KALRN: variants seen among roughly 807,000 people sequenced by gnomAD.
KALRN encodes the protein kalirin.
A neutral mutation model predicts 353.7 loss-of-function variants in KALRN; 70 were observed. The observed-to-expected ratio is 0.20, with a 90% CI of 0.16 to 0.24. The LOEUF is 0.24. Ranked by LOEUF, KALRN falls within the 10% of genes least tolerant of loss-of-function variation. The pLI is 1.00. For synonymous variants in KALRN, 1,391 were observed against 1,434.8 expected (o/e 0.97, Z 0.69); for missense variants, 2,791 against 3,756.7 (o/e 0.74, Z 6.72).
At chr3:124,181,002 G>C (rs1169115594) in intron 1 of KALRN, among the ~76,000 whole-genome samples, 1 of 146,722 alleles carries the variant, frequency 6.8e-6, no homozygotes, top group Non-Finnish European at 1.5e-5. Flanking sequence ...AGGCTGAGGT[G>C]AGCAGATCAC....
intron 1 of KALRN, among the ~76,000 whole-genome samples, chr3:124,219,251 T>C (rs1412708724): frequency 2.0e-5 from 3 of 152,056 alleles, no homozygotes; most frequent in Non-Finnish European, 4.4e-5. Flanking sequence ...CCAGATGCAG[T>C]GGTGGACAAT....
chr3:124,638,165 T>C (rs2081580651), intron 37 of KALRN, among the ~76,000 whole-genome samples: 1 of 152,198 alleles, frequency 6.6e-6, no homozygotes, highest in Non-Finnish European at 1.5e-5. Flanking sequence ...GGCAGTCTTA[T>C]TAATCACTTG....
intron 33 of KALRN, among the ~76,000 whole-genome samples, chr3:124,545,021 G>C (rs1381078095): frequency 6.6e-6 from 1 of 152,120 alleles, no homozygotes; most frequent in Admixed American, 6.6e-5. Context: ...GTTTGTGAAG[G>C]AGTTAGGATT....
At chr3:124,646,391 C>CTTTTTTTTTTTCTTTTTTTTTTTTTTT (rs2082721055) in intron 37 of KALRN, among the ~76,000 whole-genome samples, 1 of 110,492 alleles carries the variant, frequency 9.1e-6, no homozygotes, top group African/African-American at 3.4e-5. Context: ...CTTTTGTTTA[C>CTTTTTTTTTTTCTTTTTTTTTTTTTTT]TTTTTTTTTT....
intron 37 of KALRN, among the ~76,000 whole-genome samples, chr3:124,640,380 A>G (rs2081912549): frequency 6.9e-6 from 1 of 144,792 alleles, no homozygotes; most frequent in Non-Finnish European, 1.5e-5. Flanking sequence ...TCCACCTCCC[A>G]GGTTCAAGTG....
chr3:124,588,955 G>A (rs369403108), intron 34 of KALRN, among the ~76,000 whole-genome samples: 5 of 152,234 alleles, frequency 3.3e-5, no homozygotes, highest in Admixed American at 6.5e-5. Flanking sequence ...AGAGAGGAAG[G>A]AGGTGGGACT....
At chr3:124,190,339 T>C (rs2074767755) in intron 1 of KALRN, among the ~76,000 whole-genome samples, 1 of 152,142 alleles carries the variant, frequency 6.6e-6, no homozygotes, top group Non-Finnish European at 1.5e-5. Context: ...AGCACCATCA[T>C]TTATCCTCAA....
chr3:124,530,605 A>G (rs903503484), intron 33 of KALRN, among the ~76,000 whole-genome samples: 1 of 152,106 alleles, frequency 6.6e-6, no homozygotes, highest in Admixed American at 6.6e-5. Context: ...TTCCCAAGCT[A>G]GTCTCAAACT....
chr3:124,510,048 C>G (rs1436817207), intron 33 of KALRN, among the ~76,000 whole-genome samples: 2 of 152,176 alleles, frequency 1.3e-5, no homozygotes, highest in African/African-American at 2.4e-5. Flanking sequence ...GTGAAGCTAT[C>G]AGGAGTGCTA....
chr3:124,473,193 C>T (rs1179449828), intron 25 of KALRN, among the ~76,000 whole-genome samples: 1 of 152,152 alleles, frequency 6.6e-6, no homozygotes, highest in African/African-American at 2.4e-5. Flanking sequence ...AAATCCATAA[C>T]CACTTGTAAT....
Position 124,375,932 on chromosome 3 carries a change from G to A in KALRN, c.1771-8913G>A, listed in dbSNP as rs573527675. On this transcript the variant is annotated intron_variant, in intron 10 of 59. Coordinates refer to ENST00000682506, the MANE Select transcript of KALRN (RefSeq NM_001388419.1). ...ACTATAATTTTCTCAGAATTTCTAGGCCCATGTACCTTCCTAAACACACAC... is the reference window on the plus strand; with the variant it reads ...ACTATAATTTTCTCAGAATTTCTAGACCCATGTACCTTCCTAAACACACAC... 2.6e-5 allele frequency among the ~76,000 whole-genome samples: 4 copies of A among 152,210 alleles called. No homozygotes were observed. In the East Asian group the frequency reaches 7.7e-4, roughly 29 times the overall value.
At chr3:124,647,894 C>T (rs1294002362) in intron 37 of KALRN, among the ~76,000 whole-genome samples, 1 of 152,196 alleles carries the variant, frequency 6.6e-6, no homozygotes, top group Non-Finnish European at 1.5e-5. Flanking sequence ...TGACCTTCCT[C>T]CACACTTCGT....
At chr3:124,597,135 A>T (rs752450229) in intron 34 of KALRN, among the ~76,000 whole-genome samples, 1 of 152,230 alleles carries the variant, frequency 6.6e-6, no homozygotes, top group Non-Finnish European at 1.5e-5. Context: ...CAACCATCAC[A>T]TTCAGATGGT....
chr3:124,496,925 A>G (rs769065854), intron 33 of KALRN, among the ~76,000 whole-genome samples: 9 of 152,184 alleles, frequency 5.9e-5, no homozygotes, highest in Non-Finnish European at 8.8e-5. Flanking sequence ...AAGGGACTCT[A>G]GTGGAAATGA....
intron 1 of KALRN, among the ~76,000 whole-genome samples, chr3:124,085,476 G>A (rs894736588): frequency 1.3e-5 from 2 of 152,202 alleles, no homozygotes; most frequent in Non-Finnish European, 2.9e-5. Context: ...GTGGAACAAA[G>A]TGGGGAATGA....
chr3:124,075,076 C>T (rs1161096770), intron 1 of KALRN, among the ~76,000 whole-genome samples: 1 of 152,168 alleles, frequency 6.6e-6, no homozygotes, highest in Non-Finnish European at 1.5e-5. Context: ...CTTGCATGCT[C>T]AGTAGTCCTA....
chr3:124,074,498 A>G (rs1405548603), intron 1 of KALRN, among the ~76,000 whole-genome samples: 1 of 152,224 alleles, frequency 6.6e-6, no homozygotes, highest in African/African-American at 2.4e-5. Flanking sequence ...TTTGGAGCCC[A>G]CAATCACAAG....
At chr3:124,405,647 T>G (rs892118712) in intron 13 of KALRN, among the ~76,000 whole-genome samples, 11 of 143,748 alleles carry the variant, frequency 7.7e-5, no homozygotes, top group African/African-American at 1.8e-4. Flanking sequence ...GGTTTTTTTT[T>G]TTTTTTTTTT....
At chr3:124,114,881 C>T (rs1431921277) in intron 1 of KALRN, among the ~76,000 whole-genome samples, 4 of 152,196 alleles carry the variant, frequency 2.6e-5, no homozygotes, top group African/African-American at 9.7e-5. Context: ...AACTTCCCGT[C>T]AGTGAGGTAG....
Sources: gnomAD v4.1 joint callset for allele counts (sites outside exome capture counted in the v4.1 genomes callset) on GRCh38, gnomAD v4.1.1 for gene constraint, MANE v1.5 for transcripts, NCBI Gene and HGNC (gene_info 2026-07-23, HGNC 2026-07-21) for gene names.